Variants in SUGP2 observed in about 807,000 individuals in gnomAD.
The protein encoded by SUGP2 is SURP and G-patch domain-containing protein 2.
In SUGP2, 24 loss-of-function variants were observed where a neutral mutation model predicts 90.5. The observed-to-expected ratio is 0.27, with a 90% CI of 0.19 to 0.37. SUGP2 has a LOEUF of 0.37. SUGP2 is among the 10% of genes least tolerant of loss of function. SUGP2 has a pLI of 1.00. For missense variants in SUGP2, 1,233 were observed against 1,363.3 expected (o/e 0.90, Z 1.51); for synonymous variants, 473 against 513.4 (o/e 0.92, Z 1.06).
chr19:19,001,118 C>A (rs919537453), intron 8 of SUGP2, among the ~76,000 whole-genome samples: 2 of 151,592 alleles, frequency 1.3e-5, no homozygotes, highest in Admixed American at 1.3e-4. Context: ...CAGATTCATG[C>A]CATTCTCCTG....
At position 19,004,199 on chromosome 19, in the gene SUGP2, G is replaced by C. The variant is rs1444195839; in HGVS notation, c.2898C>G (p.Pro966=). ...KSLKVGMIPA[P]KRVCLIQEPK... is the part of the protein sequence containing the mutation. ...GCTCCTGGATGAGACACACTCTCTT[G>C]GGAGCTGGAATCATGCCAACCTTCA... Residue 966 remains proline, a synonymous_variant, in exon 7 of 11, where the codon CCC becomes CCG. Coordinates refer to ENST00000452918, the MANE Select transcript of SUGP2 (RefSeq NM_001017392.5). 1 of 1,585,298 alleles carries C rather than the reference G, an allele frequency of 6.3e-7. No individual in the cohort carries two copies. The highest frequency in any genetic ancestry group is 2.2e-5 in the East Asian group (1 of 44,606).
At chr19:19,020,245 C>A (rs186827158) in intron 3 of SUGP2, among the ~76,000 whole-genome samples, 1 of 151,278 alleles carries the variant, frequency 6.6e-6, no homozygotes, top group Non-Finnish European at 1.5e-5. Flanking sequence ...CTGGCTAACA[C>A]GATGAAACTC....
chr19:19,001,798 T>C (rs2057844700), intron 7 of SUGP2, 124 bp from the exon 8 acceptor site: 4 of 915,528 alleles, frequency 4.4e-6, no homozygotes, highest in Non-Finnish European at 6.9e-6. Context: ...TCTTAGGCTC[T>C]GCATGGCAGC....
chr19:19,026,346 C>G, intron 2 of SUGP2, 120 bp from the exon 3 acceptor site: 1 of 962,566 alleles, frequency 1.0e-6, no homozygotes, highest in Non-Finnish European at 1.5e-6. Context: ...CTTTATACAC[C>G]TCAGTGCTTT....
intron 8 of SUGP2, among the ~76,000 whole-genome samples, chr19:18,996,718 A>G (rs114785240): frequency 0.023 from 3,497 of 151,890 alleles, 130 homozygotes; most frequent in African/African-American, 0.08. Context: ...ACGCCCACCT[A>G]TTTTTGTATT....
chr19:19,032,600 G>T (rs1337623397), intron 1 of SUGP2, among the ~76,000 whole-genome samples: 1 of 152,074 alleles, frequency 6.6e-6, no homozygotes, highest in Non-Finnish European at 1.5e-5. Flanking sequence ...TTCATTCTGC[G>T]CTGGGTCCTT....
At chr19:19,008,717 C>A (rs1039805572) in intron 5 of SUGP2, among the ~76,000 whole-genome samples, 1 of 152,204 alleles carries the variant, frequency 6.6e-6, no homozygotes, top group Non-Finnish European at 1.5e-5. Flanking sequence ...ACTGTCTCTC[C>A]TGAAGCCCCA....
chr19:19,026,029 A>C lies in SUGP2; in HGVS notation c.319T>G (p.Cys107Gly). 1 of 1,614,134 alleles carries C rather than the reference A, an allele frequency of 6.2e-7. No homozygotes were observed. Among genetic ancestry groups the C allele is most frequent in the Non-Finnish European group, 8.5e-7 (1 of 1,180,024 alleles). The change falls in exon 3 of 11, where the codon TGT becomes GGT. Residue 107 changes from cysteine (C) to glycine (G), a missense_variant. Transcript: ENST00000452918. ...TGAGAAAATTCCAGATCCCGGCCAC[A>C]TTCTTTGCGAAAGTAGCTGTCATCA... is the stretch of plus-strand genomic sequence containing the variant. ...ISDDSYFRKE[C>G]GRDLEFSHSD...
chr19:19,033,306 C>CGCG, intron 1 of SUGP2, 131 bp downstream of exon 1: 5 of 1,032,932 alleles, frequency 4.8e-6, no homozygotes, highest in Non-Finnish European at 5.9e-6. Flanking sequence ...CCGGCGGGGA[C>CGCG]GCGGCCGCCG....
intron 1 of SUGP2, among the ~76,000 whole-genome samples, chr19:19,032,411 G>A (rs28376498): frequency 0.023 from 3,501 of 152,116 alleles, 130 homozygotes; most frequent in African/African-American, 0.08. Flanking sequence ...CGCCCGCTTC[G>A]GCCTCCCAAA....
At chr19:19,007,775 T>TG (rs1429402207) in intron 6 of SUGP2, among the ~76,000 whole-genome samples, 24 of 147,438 alleles carry the variant, frequency 1.6e-4, no homozygotes, top group African/African-American at 5.8e-4. Flanking sequence ...TTTTTTTTTT[T>TG]TGGAGATGAA....
chr19:19,019,364 AC>A, intron 3 of SUGP2, 135 bp from the exon 4 acceptor site: 1 of 972,422 alleles, frequency 1.0e-6, no homozygotes, highest in Non-Finnish European at 1.4e-6. Context: ...TTCACAAGAC[AC>A]CAGCATTGAA....
At chr19:19,007,863 G>T (rs531359258) in intron 6 of SUGP2, among the ~76,000 whole-genome samples, 1 of 149,710 alleles carries the variant, frequency 6.7e-6, no homozygotes, top group African/African-American at 2.5e-5. Context: ...GGGTTTAAGC[G>T]ATTCTCATGC....
At chr19:18,995,115 ACTC>A in intron 9 of SUGP2, 26 bp downstream of exon 9, 1 of 1,051,100 alleles carries the variant, frequency 9.5e-7, no homozygotes, top group Non-Finnish European at 1.4e-6. Flanking sequence ...GGCCCCACCC[ACTC>A]CCACCCCAGG....
chr19:19,024,593 A>G, intron 3 of SUGP2, 26 bp downstream of exon 3: 1 of 1,571,736 alleles, frequency 6.4e-7, no homozygotes, highest in Middle Eastern at 1.7e-4. Flanking sequence ...AAAACAACAA[A>G]TAGAAACTTT....
chr19:19,018,666 G>A (rs28477961), intron 4 of SUGP2, among the ~76,000 whole-genome samples: 3,016 of 114,810 alleles, frequency 0.026, 113 homozygotes, highest in African/African-American at 0.095. Flanking sequence ...CAGCCTGGGC[G>A]ACAGAGCAAG....
chr19:19,030,780 T>C (rs1466095826), intron 2 of SUGP2, among the ~76,000 whole-genome samples, 171 bp downstream of exon 2: 2 of 151,942 alleles, frequency 1.3e-5, no homozygotes, highest in African/African-American at 2.4e-5. Context: ...AGTAAGACCC[T>C]ATCACAAAAA....
chr19:18,993,177 T>A lies in SUGP2; in HGVS notation c.*564A>T, dbSNP rs3810444. On this transcript the variant is annotated 3_prime_UTR_variant, in exon 11 of 11. Transcript: ENST00000452918. ...CATTAAGTCTCTCAAGATGCATTGA[T>A]GAGATGAGACACCATGAATAACACA... is the stretch of plus-strand genomic sequence containing the variant. 0.043 allele frequency: 6,544 copies of A among 152,314 alleles called. 198 individuals carry two copies. Among genetic ancestry groups the A allele is most frequent in the East Asian group, 0.11 (585 of 5,188 alleles). 9.4% of individuals were successfully genotyped at this position (152,314 alleles called of 1,614,324 possible).
chr19:19,007,862 C>T (rs760075137), intron 6 of SUGP2, among the ~76,000 whole-genome samples: 1 of 149,686 alleles, frequency 6.7e-6, no homozygotes, highest in Non-Finnish European at 1.5e-5. Context: ...CGGGTTTAAG[C>T]GATTCTCATG....
Sources: gnomAD v4.1 joint callset for allele counts (sites outside exome capture counted in the v4.1 genomes callset) on GRCh38, gnomAD v4.1.1 for gene constraint, MANE v1.5 for transcripts, NCBI Gene and HGNC (gene_info 2026-07-23, HGNC 2026-07-21) for gene names.